MGAT4C: variants seen among roughly 807,000 people sequenced by gnomAD.
The protein encoded by MGAT4C is MGAT4 family member C.
In MGAT4C, 19 loss-of-function variants were observed where a neutral mutation model predicts 40.1. The observed-to-expected ratio is 0.47, with a 90% CI of 0.33 to 0.70. The LOEUF is 0.70. Ranked by LOEUF, MGAT4C falls within the 30% of genes least tolerant of loss-of-function variation. MGAT4C has a pLI of 0.02. For missense variants in MGAT4C, 491 were observed against 563.2 expected (o/e 0.87, Z 1.30); for synonymous variants, 181 against 187.1 (o/e 0.97, Z 0.27).
chr12:86,653,765 G>GATAT (rs111628561), intron 2 of MGAT4C, among the ~76,000 whole-genome samples: 6 of 150,846 alleles, frequency 4.0e-5, no homozygotes, highest in African/African-American at 1.5e-4. Context: ...TTCTATTCAG[G>GATAT]ATATATATAT....
chr12:86,151,544 G>A (rs940460865), intron 1 of MGAT4C, among the ~76,000 whole-genome samples: 7 of 151,954 alleles, frequency 4.6e-5, no homozygotes, highest in African/African-American at 9.7e-5. Flanking sequence ...ACCCGGAGGC[G>A]GAGCTTGCAC....
intron 1 of MGAT4C, among the ~76,000 whole-genome samples, chr12:86,060,592 C>A (rs1018455360): frequency 6.6e-6 from 1 of 151,644 alleles, no homozygotes; most frequent in Non-Finnish European, 1.5e-5. Context: ...TTTTATGAAC[C>A]CTCGCATTGA....
intron 1 of MGAT4C, among the ~76,000 whole-genome samples, chr12:86,123,633 A>G (rs886481070): frequency 2.0e-5 from 3 of 152,072 alleles, no homozygotes; most frequent in African/African-American, 4.8e-5. Flanking sequence ...GAATTATCTA[A>G]TTGGATGTTC....
intron 1 of MGAT4C, among the ~76,000 whole-genome samples, chr12:86,065,463 T>C (rs760791930): frequency 2.0e-5 from 3 of 152,102 alleles, no homozygotes; most frequent in Middle Eastern, 3.2e-3. Context: ...AAAAACCACA[T>C]GATTATCTCA....
intron 1 of MGAT4C, among the ~76,000 whole-genome samples, chr12:86,754,053 G>A (rs1030668931): frequency 6.6e-6 from 1 of 152,090 alleles, no homozygotes; most frequent in Non-Finnish European, 1.5e-5. Context: ...ATTCGTAGTA[G>A]CTCTACTTAT....
At chr12:86,806,590 C>T (rs965175676) in intron 1 of MGAT4C, among the ~76,000 whole-genome samples, 4 of 151,950 alleles carry the variant, frequency 2.6e-5, no homozygotes, top group East Asian at 1.9e-4. Flanking sequence ...TCTATTACCA[C>T]GCCCATCTCT....
intron 2 of MGAT4C, among the ~76,000 whole-genome samples, chr12:86,588,058 CCA>C (rs1961144387): frequency 6.6e-6 from 1 of 151,864 alleles, no homozygotes; most frequent in African/African-American, 2.4e-5. Context: ...CAGTTTGTGC[CCA>C]TTCAGTATGA....
chr12:86,696,294 G>T (rs574512244), intron 2 of MGAT4C, among the ~76,000 whole-genome samples: 44 of 152,078 alleles, frequency 2.9e-4, no homozygotes, highest in African/African-American at 1.1e-3. Context: ...TTTATGTAGT[G>T]TGATTATTAC....
At chr12:86,249,122 T>C (rs558120890) in intron 1 of MGAT4C, among the ~76,000 whole-genome samples, 20 of 152,246 alleles carry the variant, frequency 1.3e-4, no homozygotes, top group African/African-American at 4.8e-4. Flanking sequence ...TTCCTTTCCC[T>C]GGATTTTCCC....
intron 3 of MGAT4C, among the ~76,000 whole-genome samples, chr12:86,369,608 T>C (rs1163377393): frequency 6.6e-6 from 1 of 152,062 alleles, no homozygotes; most frequent in Non-Finnish European, 1.5e-5. Flanking sequence ...TTCTGCACTT[T>C]TACTTTCTCC....
intron 2 of MGAT4C, among the ~76,000 whole-genome samples, chr12:86,595,354 A>C (rs1342803076): frequency 6.6e-6 from 1 of 152,104 alleles, no homozygotes; most frequent in African/African-American, 2.4e-5. Context: ...AACATGCTGA[A>C]ACACCATCTC....
rs140555694 is a variant in MGAT4C, at chr12:86,313,159, C to T, written c.-57+20906G>A. Reference sequence around the variant, plus strand: ...ACAAAAAGACAGTATTTTTTTTAAACGGTATTGTTTTAAACAGCAGTTTAA... The same window carrying T: ...ACAAAAAGACAGTATTTTTTTTAAATGGTATTGTTTTAAACAGCAGTTTAA... On this transcript the variant is annotated intron_variant, in intron 4 of 7. Transcript: ENST00000548651. 1.1e-4 allele frequency among the ~76,000 whole-genome samples: 16 copies of T among 151,952 alleles called. No individual in the cohort carries two copies. In the East Asian group the frequency reaches 1.2e-3, roughly 11 times the overall value.
chr12:86,339,562 T>C (rs1485324262), intron 3 of MGAT4C, among the ~76,000 whole-genome samples: 1 of 152,226 alleles, frequency 6.6e-6, no homozygotes, highest in Non-Finnish European at 1.5e-5. Flanking sequence ...AATGTCTTTG[T>C]ATTAAACATA....
chr12:86,546,834 A>C (rs1354622908), intron 2 of MGAT4C, among the ~76,000 whole-genome samples: 1 of 152,078 alleles, frequency 6.6e-6, no homozygotes, highest in Non-Finnish European at 1.5e-5. Context: ...CCCCCAAAAA[A>C]CACCACTGTC....
chr12:86,649,347 T>C (rs1171130363), intron 2 of MGAT4C, among the ~76,000 whole-genome samples: 1 of 151,834 alleles, frequency 6.6e-6, no homozygotes, highest in Non-Finnish European at 1.5e-5. Context: ...CAAAATATTG[T>C]TGAGCTTTTT....
intron 3 of MGAT4C, among the ~76,000 whole-genome samples, chr12:86,404,814 T>G (rs985586204): frequency 1.3e-5 from 2 of 152,156 alleles, no homozygotes; most frequent in Non-Finnish European, 2.9e-5. Context: ...ACTTATGGAC[T>G]GCCTTTGAAA....
intron 1 of MGAT4C, among the ~76,000 whole-genome samples, chr12:86,180,881 T>C (rs1888042932): frequency 6.6e-6 from 1 of 152,160 alleles, no homozygotes; most frequent in South Asian, 2.1e-4. Context: ...TTTGGGGGAC[T>C]GTTGAGAAGG....
At chr12:86,257,506 A>G (rs960169286), upstream of MGAT4C, among the ~76,000 whole-genome samples, 6 of 152,222 alleles carry the variant, frequency 3.9e-5, no homozygotes, top group African/African-American at 1.2e-4. Context: ...GAGCAAGGAA[A>G]TTCACTTCAA....
chr12:86,710,003 G>A (rs1373593360), intron 2 of MGAT4C, among the ~76,000 whole-genome samples: 2 of 151,882 alleles, frequency 1.3e-5, no homozygotes, highest in Non-Finnish European at 2.9e-5. Context: ...TCATAATATT[G>A]TCCTTCAAAT....
Sources: gnomAD v4.1 joint callset for allele counts (sites outside exome capture counted in the v4.1 genomes callset) on GRCh38, gnomAD v4.1.1 for gene constraint, MANE v1.5 for transcripts, NCBI Gene and HGNC (gene_info 2026-07-23, HGNC 2026-07-21) for gene names.